VPS13B: variants seen among roughly 807,000 people sequenced by gnomAD.
VPS13B encodes intermembrane lipid transfer protein VPS13B.
In VPS13B, 285 loss-of-function variants were observed where a neutral mutation model predicts 426.4. That is an observed-to-expected ratio of 0.67 (90% CI 0.61 to 0.74). The LOEUF (loss-of-function observed/expected upper bound fraction) is 0.74. Among genes scored for constraint, VPS13B ranks in the 30% least tolerant of loss-of-function variants. The pLI is 0.00. For synonymous variants in VPS13B, 1,676 were observed against 1,676.4 expected, an observed-to-expected ratio of 1.00 and a Z score of 0.01; for missense variants, 4,537 against 4,782.6, an observed-to-expected ratio of 0.95 and a Z score of 1.51.
At chr8:99,818,339 C>A in intron 45 of VPS13B, 112 bp from the exon 46 acceptor site, 1 of 1,149,108 alleles carries the variant, frequency 8.7e-7, no homozygotes, top group Non-Finnish European at 1.3e-6. Flanking sequence ...ATGGCTTTTT[C>A]CCTAAACTTT....
At chr8:99,431,481 T>C in intron 21 of VPS13B, 56 bp from the exon 22 acceptor site, 1 of 1,596,594 alleles carries the variant, frequency 6.3e-7, no homozygotes, top group Admixed American at 1.7e-5. Flanking sequence ...GTTTGGTATG[T>C]TCTGTGAAAT....
At chr8:99,598,692 A>G (rs1452392694) in intron 33 of VPS13B, among the ~76,000 whole-genome samples, 2 of 152,004 alleles carry the variant, frequency 1.3e-5, no homozygotes, top group African/African-American at 4.8e-5. Flanking sequence ...GAAAATAAAG[A>G]CAACTTATAA....
chr8:99,602,468 G>GCTATT (rs1011722514), intron 33 of VPS13B, among the ~76,000 whole-genome samples: 1 of 152,076 alleles, frequency 6.6e-6, no homozygotes, highest in Non-Finnish European at 1.5e-5. Context: ...GATTGTCTTG[G>GCTATT]CTATGCAGGC....
At chr8:99,393,275 T>A (rs1219363871) in intron 21 of VPS13B, among the ~76,000 whole-genome samples, 1 of 152,124 alleles carries the variant, frequency 6.6e-6, no homozygotes, top group Non-Finnish European at 1.5e-5. Context: ...CTCATACCAA[T>A]CACATATCAA....
At chr8:99,352,027 G>A (rs1221045878) in intron 19 of VPS13B, among the ~76,000 whole-genome samples, 1 of 152,144 alleles carries the variant, frequency 6.6e-6, no homozygotes, top group Non-Finnish European at 1.5e-5. Context: ...AAAGGTGCTT[G>A]GCTGATGTTA....
intron 31 of VPS13B, among the ~76,000 whole-genome samples, chr8:99,562,924 G>GCGGGAGGAT (rs1825006559): frequency 6.6e-6 from 1 of 152,252 alleles, no homozygotes; most frequent in South Asian, 2.1e-4. Flanking sequence ...AGAGGCCAAA[G>GCGGGAGGAT]CGGGAGGATC....
intron 39 of VPS13B, among the ~76,000 whole-genome samples, chr8:99,752,789 A>G (rs1401992284): frequency 6.6e-6 from 1 of 152,234 alleles, no homozygotes; most frequent in African/African-American, 2.4e-5. Flanking sequence ...TAAAACTTGA[A>G]AATAAATTTT....
chr8:99,784,556 T>G (rs1163703406), intron 43 of VPS13B, 80 bp downstream of exon 43: 5 of 1,583,264 alleles, frequency 3.2e-6, no homozygotes, highest in Non-Finnish European at 3.5e-6. Flanking sequence ...CCTGTCCAGT[T>G]ATTTCCCTTT....
At position 99,818,885 on chromosome 8, in the gene VPS13B, C is replaced by G; in HGVS notation, c.8618C>G (p.Ala2873Gly). The change falls in exon 47 of 62, where the codon GCA (alanine) becomes GGA (glycine). Residue 2873 changes from alanine (A) to glycine (G), a missense_variant. By Grantham distance (60) the Ala-to-Gly change is moderately conservative. Around this residue, in one of 2 missense-constraint regions of VPS13B, gnomAD observed 4,311 missense variants for 4,474.3 expected, o/e 0.96. Transcript: ENST00000357162. ...CTTGTACATCACCTGACATTCCAAG[C>G]AAGGTACTAGAAAAATCCTTCCATA... ...PDLVHHLTFQAREEYDPSDCA... is the reference protein window; with the variant it reads ...PDLVHHLTFQGREEYDPSDCA... The G allele has an allele frequency of 6.5e-7, 1 of 1,531,138 alleles. No individual in the cohort carries two copies. The highest frequency in any genetic ancestry group is 8.8e-7 in the Non-Finnish European group (1 of 1,135,736). The allele number at this position is 1,531,138 out of a possible 1,614,324, so 94.8% of individuals were successfully genotyped here.
intron 23 of VPS13B, among the ~76,000 whole-genome samples, chr8:99,460,609 T>C (rs1172832666): frequency 6.6e-6 from 1 of 152,238 alleles, no homozygotes; most frequent in Non-Finnish European, 1.5e-5. Flanking sequence ...GACAAGGTAT[T>C]TCTGGTAAGG....
intron 8 of VPS13B, among the ~76,000 whole-genome samples, chr8:99,132,132 A>G (rs1359880954): frequency 6.6e-6 from 1 of 152,098 alleles, no homozygotes; most frequent in Non-Finnish European, 1.5e-5. Context: ...CCTGGCCTCA[A>G]GTGATCCACC....
At position 99,233,517 on chromosome 8, in the gene VPS13B, C is replaced by T. The variant is rs1334880999; in HGVS notation, c.2515+40460C>T. The T allele has an allele frequency of 9.9e-6, 12 of 1,207,762 alleles. 1 individual carries two copies. The highest frequency in any genetic ancestry group is 2.7e-4 in the Middle Eastern group (1 of 3,638). 74.8% of individuals were successfully genotyped at this position (1,207,762 alleles called of 1,614,324 possible). A position where few individuals can be genotyped will look rare whatever the true frequency, so the allele number is the denominator to read the frequency against. On this transcript the variant is annotated intron_variant, in intron 17 of 61. Coordinates refer to ENST00000357162, the MANE Select transcript of VPS13B (RefSeq NM_152564.5). The stretch of plus-strand genomic sequence containing the variant: ...CCTGCTCTTGATAAGAATGCTGATG[C>T]GGGAACGGGCCAAACTGGTGATGGG...
intron 32 of VPS13B, among the ~76,000 whole-genome samples, chr8:99,576,393 G>C (rs1825777005): frequency 6.6e-6 from 1 of 151,128 alleles, no homozygotes; most frequent in Non-Finnish European, 1.5e-5. Context: ...TTTTAATCCT[G>C]AATTGGTATA....
intron 44 of VPS13B, 112 bp downstream of exon 44, chr8:99,809,642 A>G: frequency 3.1e-6 from 4 of 1,270,244 alleles, no homozygotes; most frequent in South Asian, 2.5e-5. Context: ...AGTTATATCT[A>G]CTACTACCAT....
intron 54 of VPS13B, among the ~76,000 whole-genome samples, chr8:99,846,457 T>C (rs187241431): frequency 5.1e-4 from 77 of 152,338 alleles, no homozygotes; most frequent in African/African-American, 1.9e-3. Flanking sequence ...AGATAAGGAT[T>C]TACTTTGGAC....
chr8:99,752,663 T>G lies in VPS13B; in HGVS notation c.7051-14111T>G, dbSNP rs1425841156. Among the ~76,000 whole-genome samples the G allele has an allele frequency of 2.6e-5, 4 of 152,328 alleles. No homozygotes were observed. In the East Asian group the frequency reaches 7.7e-4, roughly 29 times the overall value. Reference sequence around the variant, plus strand: ...ACTTTTTTCTAAAATATTTAAAAATTTTAAGTTATTCTCTAATCCTTATTG... The same window carrying G: ...ACTTTTTTCTAAAATATTTAAAAATGTTAAGTTATTCTCTAATCCTTATTG... On this transcript the variant is annotated intron_variant, in intron 39 of 61. Transcript: ENST00000357162.
At chr8:99,500,047 C>T (rs1821143732) in intron 25 of VPS13B, among the ~76,000 whole-genome samples, 2 of 152,060 alleles carry the variant, frequency 1.3e-5, no homozygotes, top group Admixed American at 6.6e-5. Context: ...GTAATGAGAG[C>T]CGGGACTTTG....
chr8:99,515,666 A>G (rs1208593794), intron 29 of VPS13B, among the ~76,000 whole-genome samples: 2 of 151,982 alleles, frequency 1.3e-5, no homozygotes, highest in Non-Finnish European at 2.9e-5. Context: ...ACAACTTTTT[A>G]GTGGTGTTTT....
intron 54 of VPS13B, among the ~76,000 whole-genome samples, chr8:99,843,937 C>G (rs1815846542): frequency 6.6e-6 from 1 of 152,196 alleles, no homozygotes; most frequent in African/African-American, 2.4e-5. Context: ...ATTCATGGTC[C>G]TTAAGACACA....
Sources: gnomAD v4.1 joint callset for allele counts (sites outside exome capture counted in the v4.1 genomes callset) on GRCh38, gnomAD v4.1.1 for gene constraint, gnomAD v4.1.1 regional missense constraint, MANE v1.5 for transcripts, NCBI Gene and HGNC (gene_info 2026-07-23, HGNC 2026-07-21) for gene names.